KCNIP1: variants seen among roughly 807,000 people sequenced by gnomAD.
KCNIP1 encodes potassium voltage-gated channel interacting protein 1.
Under a neutral mutation model 33.0 loss-of-function variants are expected in KCNIP1, and 18 were observed. That is an observed-to-expected ratio of 0.55 (90% CI 0.38 to 0.81). The LOEUF is 0.81. Among genes scored for constraint, KCNIP1 ranks in the 30% least tolerant of loss-of-function variants. The probability of loss-of-function intolerance (pLI) is 0.00; values close to 1 mark genes in which losing one functional copy is unlikely to be tolerated. For missense variants in KCNIP1, 238 were observed against 271.6 expected (o/e 0.88, Z 0.87); for synonymous variants, 93 against 98.3 (o/e 0.95, Z 0.32).
chr5:170,398,653 C>A (rs931916094), intron 1 of KCNIP1, among the ~76,000 whole-genome samples: 29 of 152,240 alleles, frequency 1.9e-4, no homozygotes, highest in Non-Finnish European at 3.5e-4. Flanking sequence ...TGTTTTAGAC[C>A]ATTCTAACTG....
chr5:170,606,826 G>T (rs190794185), intron 1 of KCNIP1, among the ~76,000 whole-genome samples: 1 of 152,362 alleles, frequency 6.6e-6, no homozygotes, highest in East Asian at 1.9e-4. Flanking sequence ...GATGAATGCA[G>T]CATCCACTGT....
chr5:170,521,202 T>C (rs1209894100), intron 1 of KCNIP1, among the ~76,000 whole-genome samples: 9 of 152,196 alleles, frequency 5.9e-5, no homozygotes, highest in Non-Finnish European at 1.2e-4. Flanking sequence ...CAGACACAGA[T>C]CCCTCATTAT....
chr5:170,504,584 C>T lies in KCNIP1; in HGVS notation c.12C>T (p.Val4=). The change falls in exon 1 of 8, where the codon GTC becomes GTT. Residue 4 remains valine (V), a synonymous_variant. Transcript: ENST00000328939. This position sits in a 1 kb window ranked among gnomAD's most constrained non-coding sequence, Gnocchi z 6.0. MGA[V]MGTFSSLQTK... is the part of the protein sequence containing the mutation. ...AAGTCTTCGCTGCCATGGGGGCCGT[C>T]ATGGGCACCTTCTCATCTCTGCAAA... The T allele has an allele frequency of 6.2e-7, 1 of 1,613,754 alleles. No individual in the cohort carries two copies. Among genetic ancestry groups the T allele is most frequent in the East Asian group, 2.2e-5 (1 of 44,858 alleles).
At chr5:170,687,171 A>G (rs1322068603) in intron 1 of KCNIP1, among the ~76,000 whole-genome samples, 3 of 150,844 alleles carry the variant, frequency 2.0e-5, no homozygotes, top group African/African-American at 7.4e-5. Context: ...TTATGTGTAA[A>G]AAAACCTGAG....
At chr5:170,706,503 C>T (rs1441145195) in intron 1 of KCNIP1, among the ~76,000 whole-genome samples, 1 of 152,176 alleles carries the variant, frequency 6.6e-6, no homozygotes, top group Non-Finnish European at 1.5e-5. Flanking sequence ...AGATATCTAC[C>T]AGCCTACCAA....
At chr5:170,612,083 T>C (rs996131991) in intron 1 of KCNIP1, among the ~76,000 whole-genome samples, 6 of 152,216 alleles carry the variant, frequency 3.9e-5, no homozygotes, top group African/African-American at 1.4e-4. Context: ...GGTTTCCATA[T>C]GTGCCAGACA....
In KCNIP1 at chr5:170,715,404, A is replaced by G. The variant is rs147958281; in HGVS notation, c.62-3354A>G. ...GATTGTGCATTTTTTTTCCTGAGAGAGTCTAAACCCCTCATTCCACACTCA... is the reference window on the plus strand; with the variant it reads ...GATTGTGCATTTTTTTTCCTGAGAGGGTCTAAACCCCTCATTCCACACTCA... On this transcript the variant is annotated intron_variant, in intron 1 of 7. Transcript: ENST00000328939. Among the ~76,000 whole-genome samples the G allele has an allele frequency of 3.6e-3, 545 of 152,242 alleles. 2 individuals carry two copies. Among genetic ancestry groups the G allele is most frequent in the African/African-American group, 0.012 (500 of 41,538 alleles).
Position 170,556,958 on chromosome 5 carries a change from G to T in KCNIP1, c.61+52325G>T, listed in dbSNP as rs61619027. Among the ~76,000 whole-genome samples, 923 of 152,314 alleles carry T rather than the reference G, an allele frequency of 6.1e-3. 7 individuals are homozygous for T. The highest frequency in any genetic ancestry group is 0.021 in the African/African-American group (870 of 41,564). On this transcript the variant is annotated intron_variant, in intron 1 of 7. Coordinates refer to ENST00000328939, the MANE Select transcript of KCNIP1 (RefSeq NM_014592.4). Reference sequence around the variant, plus strand: ...ACAGTGTGGGCGTTCTGCCTTAGGAGTCAGACAGGCCTGAGTTTATATCCC... The same window carrying T: ...ACAGTGTGGGCGTTCTGCCTTAGGATTCAGACAGGCCTGAGTTTATATCCC...
At position 170,478,918 on chromosome 5, in the gene KCNIP1, A is replaced by G. The variant is rs576710622; in HGVS notation, c.88+124954A>G. Among the ~76,000 whole-genome samples the G allele has an allele frequency of 2.2e-3, 329 of 152,304 alleles. 2 individuals are homozygous for G. The highest frequency in any genetic ancestry group is 7.6e-3 in the African/African-American group (317 of 41,564). On this transcript the variant is annotated intron_variant, in intron 1 of 7. Transcript: ENST00000377360. The stretch of plus-strand genomic sequence containing the variant: ...TTAATGAAAAGGAAGATAAAAAAAA[A>G]AAAGGTTGGCCATATTTGCAGGGCA...
intron 1 of KCNIP1, among the ~76,000 whole-genome samples, chr5:170,361,584 C>A (rs1235811405): frequency 6.6e-6 from 1 of 152,154 alleles, no homozygotes; most frequent in African/African-American, 2.4e-5. Flanking sequence ...GGCCATCAGG[C>A]TGCTTATCAA....
chr5:170,454,820 C>T (rs1042477600), intron 1 of KCNIP1, among the ~76,000 whole-genome samples: 1 of 152,002 alleles, frequency 6.6e-6, no homozygotes, highest in South Asian at 2.1e-4. Flanking sequence ...TCTGTGTATT[C>T]ATTTGATGTT....
intron 1 of KCNIP1, among the ~76,000 whole-genome samples, chr5:170,452,644 G>A (rs904041997): frequency 1.3e-5 from 2 of 152,094 alleles, no homozygotes; most frequent in African/African-American, 4.8e-5. Context: ...ACTTCTTTAC[G>A]ACACTTTTAA....
intron 1 of KCNIP1, among the ~76,000 whole-genome samples, chr5:170,630,520 C>T (rs572322451): frequency 1.5e-3 from 223 of 152,286 alleles, no homozygotes; most frequent in Non-Finnish European, 2.4e-3. Flanking sequence ...CCAGAGGCGT[C>T]CATCAGGACT....
intron 1 of KCNIP1, among the ~76,000 whole-genome samples, chr5:170,532,663 G>T: frequency 6.6e-6 from 1 of 152,086 alleles, no homozygotes; most frequent in Non-Finnish European, 1.5e-5. Flanking sequence ...GTGGTGCCAT[G>T]GATCACAGGT....
intron 2 of KCNIP1, 131 bp from the exon 3 acceptor site, chr5:170,720,190 T>A: frequency 1.5e-6 from 1 of 673,146 alleles, no homozygotes; most frequent in Non-Finnish European, 2.7e-6. Context: ...TGGCACTACT[T>A]GGGAGAAGTG....
chr5:170,394,052 G>A (rs557973547), intron 1 of KCNIP1, among the ~76,000 whole-genome samples: 1 of 152,336 alleles, frequency 6.6e-6, no homozygotes, highest in South Asian at 2.1e-4. Context: ...ACTGCTCAGA[G>A]AGAGTTGCTG....
chr5:170,679,626 A>AGTGTGTGTGTGTGTGTGT (rs58712710), intron 1 of KCNIP1, among the ~76,000 whole-genome samples: 16 of 144,410 alleles, frequency 1.1e-4, no homozygotes, highest in African/African-American at 3.6e-4. Context: ...TGTATATGAC[A>AGTGTGTGTGTGTGTGTGT]GTGTGTGTGT....
chr5:170,360,216 G>T (rs1394846402), intron 1 of KCNIP1, among the ~76,000 whole-genome samples: 1 of 152,188 alleles, frequency 6.6e-6, no homozygotes, highest in Non-Finnish European at 1.5e-5. Context: ...GCAGACCCAG[G>T]TCCCAAATCC....
At chr5:170,722,322 A>C (rs1464525892) in intron 4 of KCNIP1, among the ~76,000 whole-genome samples, 1 of 152,134 alleles carries the variant, frequency 6.6e-6, no homozygotes, top group Non-Finnish European at 1.5e-5. Flanking sequence ...ATAAATGATA[A>C]AGGATGGATT....
Sources: gnomAD v4.1 joint callset for allele counts (sites outside exome capture counted in the v4.1 genomes callset) on GRCh38, gnomAD v4.1.1 for gene constraint, Gnocchi (gnomAD v3.1) non-coding constraint, MANE v1.5 for transcripts, NCBI Gene and HGNC (gene_info 2026-07-23, HGNC 2026-07-21) for gene names.